The following CD47 variants were observed in gnomAD, a reference collection of about 807,000 sequenced individuals.
CD47 encodes the protein CD47 molecule, also known as leukocyte surface antigen CD47.
CD47 carries 11 observed loss-of-function variants against 44.6 expected under a neutral mutation model. That is an observed-to-expected ratio of 0.25 (90% CI 0.16 to 0.41). The LOEUF is 0.41. Among genes scored for constraint, CD47 ranks in the 10% least tolerant of loss-of-function variants. The pLI is 1.00. For missense variants in CD47, 306 were observed against 386.7 expected (o/e 0.79, Z 1.75); for synonymous variants, 140 against 136.3 (o/e 1.03, Z -0.19).
chr3:108,064,191 T>C (rs2108242179), intron 3 of CD47, among the ~76,000 whole-genome samples: 1 of 152,304 alleles, frequency 6.6e-6, no homozygotes, highest in African/African-American at 2.4e-5. Flanking sequence ...CTATTCTAAA[T>C]GCTGACAGTG....
In CD47 at chr3:108,047,129, TTAACTAACAA is replaced by T; in HGVS notation, c.*149_*158del. 1 of 467,444 alleles carries T rather than the reference TTAACTAACAA, an allele frequency of 2.1e-6. No homozygotes were observed. The highest frequency in any genetic ancestry group is 3.8e-6 in the Non-Finnish European group (1 of 260,066). 29.0% of individuals were successfully genotyped at this position (467,444 alleles called of 1,614,324 possible). On this transcript the variant is annotated 3_prime_UTR_variant, in exon 11 of 11. Transcript: ENST00000361309. Reference sequence around the variant, plus strand: ...AATTACAGCTGCTTTGAATAAAAACTTAACTAACAATCACGTAAGGGTCTCATAGGTGACA... The same window carrying T: ...AATTACAGCTGCTTTGAATAAAAACTTCACGTAAGGGTCTCATAGGTGACA...
At chr3:108,085,125 G>A (rs186751990) in intron 1 of CD47, among the ~76,000 whole-genome samples, 3 of 152,074 alleles carry the variant, frequency 2.0e-5, no homozygotes, top group Non-Finnish European at 4.4e-5. Flanking sequence ...TCCACACTAA[G>A]CTCCAATCAT....
At chr3:108,055,506 C>G in intron 7 of CD47, 1 of 1,290,008 alleles carries the variant, frequency 7.8e-7, no homozygotes, top group South Asian at 1.2e-5. Context: ...ATCTAAAGAG[C>G]AACTTTCCTG....
intron 3 of CD47, among the ~76,000 whole-genome samples, chr3:108,062,688 G>T (rs2079035824): frequency 1.3e-5 from 2 of 150,268 alleles, no homozygotes; most frequent in Non-Finnish European, 3.0e-5. Context: ...CGTTACCCAG[G>T]CTGGAGTGCA....
chr3:108,052,268 T>C (rs540144368), intron 7 of CD47: 3 of 284,890 alleles, frequency 1.1e-5, no homozygotes, highest in East Asian at 2.0e-4. Context: ...GGTGGGAAAA[T>C]GCTGTCACCA....
At chr3:108,090,812 G>T in intron 1 of CD47, 51 bp downstream of exon 1, 2 of 1,448,782 alleles carry the variant, frequency 1.4e-6, no homozygotes, top group Non-Finnish European at 1.8e-6. Context: ...CCACACGCCC[G>T]CGGGGGCGAA....
At chr3:108,086,920 G>A (rs1379870553) in intron 1 of CD47, among the ~76,000 whole-genome samples, 2 of 152,092 alleles carry the variant, frequency 1.3e-5, no homozygotes, top group African/African-American at 4.8e-5. Flanking sequence ...AAAGTGAGTA[G>A]GTTTTCTTCT....
chr3:108,057,234 A>G (rs911529793), intron 7 of CD47, among the ~76,000 whole-genome samples: 1 of 152,110 alleles, frequency 6.6e-6, no homozygotes, highest in Non-Finnish European at 1.5e-5. Context: ...TTAATCCTAT[A>G]TGTCTTCTAC....
intron 2 of CD47, among the ~76,000 whole-genome samples, chr3:108,078,544 T>C (rs1007399377): frequency 2.0e-5 from 3 of 151,488 alleles, no homozygotes; most frequent in Non-Finnish European, 4.4e-5. Flanking sequence ...AACTAGGTAT[T>C]AGATGATCTA....
chr3:108,064,212 G>C (rs567504031), intron 3 of CD47, among the ~76,000 whole-genome samples: 32 of 152,194 alleles, frequency 2.1e-4, no homozygotes, highest in Non-Finnish European at 3.8e-4. Flanking sequence ...AACACGAAAA[G>C]CAAACACAAG....
At chr3:108,066,582 T>C (rs905738895) in intron 3 of CD47, among the ~76,000 whole-genome samples, 1 of 152,204 alleles carries the variant, frequency 6.6e-6, no homozygotes, top group African/African-American at 2.4e-5. Flanking sequence ...GACAGCAAAG[T>C]ATGGAGTTTT....
chr3:108,060,880 T>A (rs1171324512), intron 3 of CD47, 28 bp from the exon 4 acceptor site: 2 of 1,449,148 alleles, frequency 1.4e-6, no homozygotes, highest in Non-Finnish European at 1.9e-6. Flanking sequence ...AAGAATTATA[T>A]GAACTCAATC....
intron 5 of CD47, among the ~76,000 whole-genome samples, 177 bp from the exon 6 acceptor site, chr3:108,058,606 C>T (rs1052921187): frequency 1.3e-5 from 2 of 152,200 alleles, no homozygotes; most frequent in Non-Finnish European, 2.9e-5. Flanking sequence ...GTAGTCAGCT[C>T]CAAATTCACA....
At chr3:108,080,882 G>A (rs3804641) in intron 1 of CD47, among the ~76,000 whole-genome samples, 14,886 of 151,690 alleles carry the variant, frequency 0.098, 1,479 homozygotes, top group East Asian at 0.55. Flanking sequence ...AAAGTAAATA[G>A]GATGAATCAA....
At chr3:108,047,418 G>A (rs923297928) in intron 10 of CD47, 126 bp from the exon 11 acceptor site, 4 of 547,106 alleles carry the variant, frequency 7.3e-6, no homozygotes, top group African/African-American at 5.9e-5. Context: ...GACCTGCAAA[G>A]GTCAGAGACA....
chr3:108,090,834 C>G, intron 1 of CD47, 29 bp downstream of exon 1: 3 of 1,468,116 alleles, frequency 2.0e-6, no homozygotes, highest in Non-Finnish European at 2.7e-6. Flanking sequence ...CGACAGCAGC[C>G]GCAGGGCTGG....
intron 1 of CD47, among the ~76,000 whole-genome samples, chr3:108,090,059 G>A (rs1229922680): frequency 1.3e-5 from 2 of 152,166 alleles, no homozygotes; most frequent in African/African-American, 2.4e-5. Context: ...CCATTCTGCT[G>A]CACATGTTTT....
At chr3:108,058,124 T>C (rs908320020) in intron 6 of CD47, among the ~76,000 whole-genome samples, 50 of 152,184 alleles carry the variant, frequency 3.3e-4, no homozygotes, top group African/African-American at 1.1e-3. Flanking sequence ...ATTGCACTCC[T>C]TGGTATTTGC....
chr3:108,059,652 C>T (rs2078977236), intron 4 of CD47, 108 bp from the exon 5 acceptor site: 1 of 478,924 alleles, frequency 2.1e-6, no homozygotes, highest in Non-Finnish European at 3.6e-6. Flanking sequence ...ATACGTTTCC[C>T]TGAAAACCTC....
Sources: gnomAD v4.1 joint callset for allele counts (sites outside exome capture counted in the v4.1 genomes callset) on GRCh38, gnomAD v4.1.1 for gene constraint, MANE v1.5 for transcripts, NCBI Gene and HGNC (gene_info 2026-07-23, HGNC 2026-07-21) for gene names.